The following PDCL variants were observed in gnomAD, a reference collection of about 807,000 sequenced individuals.
PDCL encodes phosducin like.
Under a neutral mutation model 26.7 loss-of-function variants are expected in PDCL, and 11 were observed. The ratio of observed to expected loss-of-function variants is 0.41; its 90% CI spans 0.26 to 0.68. The LOEUF (loss-of-function observed/expected upper bound fraction) is 0.68, where lower values mean the gene tolerates loss of function less well. Among genes scored for constraint, PDCL ranks in the 30% least tolerant of loss-of-function variants. The pLI is 0.30. For missense variants in PDCL, 330 were observed against 371.6 expected (o/e 0.89, Z 0.92); for synonymous variants, 118 against 134.9 (o/e 0.87, Z 0.87).
Position 122,820,353 on chromosome 9 carries a change from T to C in PDCL, c.638A>G (p.Lys213Arg), listed in dbSNP as rs985293405. 3.7e-6 allele frequency: 6 copies of C among 1,614,078 alleles called. No homozygotes were observed. The highest frequency in any genetic ancestry group is 2.2e-5 in the East Asian group (1 of 44,896). ...ICLAAEYPAV[K>R]FCKVKSSVIG... ...AACTGAGCTCTTCACCTTGCAGAAC[T>C]TGACAGCTGGGTACTCTGCGGCAAG... The change falls in exon 4 of 4, where the codon AAG becomes AGG. Residue 213 changes from lysine (K) to arginine (R), a missense_variant. Lys to Arg is a conservative substitution (Grantham distance 26). Transcript: ENST00000259467.
At chr9:122,823,430 C>A (rs1829580468) in intron 2 of PDCL, among the ~76,000 whole-genome samples, 1 of 152,132 alleles carries the variant, frequency 6.6e-6, no homozygotes, top group Non-Finnish European at 1.5e-5. Context: ...AAAAAATTAT[C>A]ATCTACCTAC....
chr9:122,826,707 G>A lies in PDCL; in HGVS notation c.81C>T (p.His27=), dbSNP rs764748313. Residue 27 remains histidine (H), a synonymous_variant, in exon 2 of 4, where the codon CAC becomes CAT. Coordinates refer to ENST00000259467, the MANE Select transcript of PDCL (RefSeq NM_005388.5). The stretch of plus-strand genomic sequence containing the variant: ...CACATCTGCCTCGGTCCTTGTCCTC[G>A]TGGTCACTGTCCTCATCCTCACTGC... ...YSSSEDEDSD[H]EDKDRGRCAP... The A allele has an allele frequency of 5.0e-6, 8 of 1,614,106 alleles. No individual in the cohort carries two copies. The highest frequency in any genetic ancestry group is 1.3e-5 in the African/African-American group (1 of 75,018).
At chr9:122,828,067 G>C (rs1829651081) in intron 1 of PDCL, among the ~76,000 whole-genome samples, 1 of 152,142 alleles carries the variant, frequency 6.6e-6, no homozygotes, top group Non-Finnish European at 1.5e-5. Context: ...AGGAGACAGG[G>C]ATCATGGAGA....
At position 122,818,965 on chromosome 9, in the gene PDCL, A is replaced by G. The variant is rs1179170746; in HGVS notation, c.*1120T>C. On this transcript the variant is annotated 3_prime_UTR_variant, in exon 4 of 4. Transcript: ENST00000259467. ...TTAAGAGACAACCATCAAGCAAATTATATCACATCTATACGATGGAATATT... is the reference window on the plus strand; with the variant it reads ...TTAAGAGACAACCATCAAGCAAATTGTATCACATCTATACGATGGAATATT... The G allele has an allele frequency of 6.6e-6, 1 of 152,136 alleles. No individual in the cohort carries two copies. The highest frequency in any genetic ancestry group is 1.9e-4 in the East Asian group (1 of 5,204). 9.4% of individuals were successfully genotyped at this position (152,136 alleles called of 1,614,324 possible).
intron 2 of PDCL, among the ~76,000 whole-genome samples, chr9:122,823,846 T>C (rs1368251620): frequency 1.3e-5 from 2 of 151,064 alleles, no homozygotes; most frequent in African/African-American, 4.9e-5. Flanking sequence ...CTCGGCTCAC[T>C]GCAACCTCCA....
rs779884263 is a variant in PDCL at position 122,822,965 on chromosome 9, G to A, written c.354+51C>T. ...CTCCACCTCTTGAATCACTCACCCA[G>A]CTCTAGCAGCCACAGCAGACTCTAA... On this transcript the variant is annotated intron_variant, in intron 3 of 3. Transcript: ENST00000259467. 1.8e-5 allele frequency: 27 copies of A among 1,515,240 alleles called. No individual in the cohort carries two copies. The East Asian group carries it at 5.6e-4, about 32-fold the overall frequency. The allele number at this position is 1,515,240 out of a possible 1,614,324, so 93.9% of individuals were successfully genotyped here.
chr9:122,825,611 T>C (rs1452074550), intron 2 of PDCL, among the ~76,000 whole-genome samples: 1 of 151,970 alleles, frequency 6.6e-6, no homozygotes, highest in Non-Finnish European at 1.5e-5. Context: ...CAAAAGAATA[T>C]AAAGTCAAAA....
chr9:122,824,776 A>G (rs560747951), intron 2 of PDCL, among the ~76,000 whole-genome samples: 3 of 152,338 alleles, frequency 2.0e-5, no homozygotes, highest in East Asian at 3.8e-4. Context: ...ATGAACACAC[A>G]TATGTGTCCG....
Position 122,827,950 on chromosome 9 carries a change from A to G in PDCL, c.-6+521T>C, listed in dbSNP as rs552189127. On this transcript the variant is annotated intron_variant, in intron 1 of 3. Transcript: ENST00000259467. ...GGAGTTCTTGAACGTAGGGACCTCT[A>G]GTCACTACCTCTATCCCCAAAGCCC... Among the ~76,000 whole-genome samples the G allele has an allele frequency of 3.9e-5, 6 of 152,184 alleles. 1 individual carries two copies. In the South Asian group the frequency reaches 1.2e-3, roughly 32 times the overall value.
intron 3 of PDCL, chr9:122,820,966 C>G (rs1829546601): frequency 4.1e-6 from 1 of 241,630 alleles, no homozygotes; most frequent in Admixed American, 5.3e-5. Flanking sequence ...CCAGTGCACT[C>G]CAGCCTGGGA....
rs374915234 is a variant in PDCL, at chr9:122,826,637, C to T, written c.151G>A (p.Glu51Lys). Residue 51 changes from glutamate (E) to lysine (K), a missense_variant, in exon 2 of 4, where the codon GAA (glutamate) becomes AAA (lysine). Coordinates refer to ENST00000259467, the MANE Select transcript of PDCL (RefSeq NM_005388.5). ...SVPAEAELAG[E>K]GISVNTGPKG... The stretch of plus-strand genomic sequence containing the variant: ...GTACCTGTGTTAACTGAGATGCCTT[C>T]GCCTGCCAGCTCAGCCTCTGCAGGC... The T allele has an allele frequency of 9.3e-6, 15 of 1,614,120 alleles. No individual in the cohort carries two copies. In the East Asian group the frequency reaches 1.8e-4, roughly 19 times the overall value.
In PDCL at chr9:122,820,394, A is replaced by G. The variant is rs748221327; in HGVS notation, c.597T>C (p.Asn199=). ...CTGCGGCAAGGCAGATCATGCAACC[A>G]TTCATGGCTTCGGTCCCTGGAATGC... ...EDGIPGTEAM[N]GCMICLAAEY... Residue 199 remains asparagine (N), a synonymous_variant, in exon 4 of 4, where the codon AAT becomes AAC. Coordinates refer to ENST00000259467, the MANE Select transcript of PDCL (RefSeq NM_005388.5). 1.5e-5 allele frequency: 25 copies of G among 1,614,056 alleles called. No individual in the cohort carries two copies. Among genetic ancestry groups the G allele is most frequent in the Non-Finnish European group, 1.9e-5 (22 of 1,180,040 alleles).
chr9:122,823,327 C>A, intron 2 of PDCL, 130 bp from the exon 3 acceptor site: 1 of 855,910 alleles, frequency 1.2e-6, no homozygotes, highest in African/African-American at 1.7e-5. Flanking sequence ...CATAGGGACT[C>A]TGTGTACTCT....
chr9:122,823,762 T>C (rs1013325509), intron 2 of PDCL, among the ~76,000 whole-genome samples: 3 of 147,436 alleles, frequency 2.0e-5, no homozygotes, highest in African/African-American at 7.7e-5. Flanking sequence ...TACTTCTATA[T>C]TATCTGAATT....
chr9:122,823,244 T>C lies in PDCL; in HGVS notation c.173-47A>G, dbSNP rs373547720. ...GTGACCAAGGAGAATGGGCAGGGAA[T>C]TATGGACCAGCTGACATCTGTAGGT... is the stretch of plus-strand genomic sequence containing the variant. On this transcript the variant is annotated intron_variant, in intron 2 of 3. Coordinates refer to ENST00000259467, the MANE Select transcript of PDCL (RefSeq NM_005388.5). The C allele has an allele frequency of 1.2e-5, 19 of 1,585,196 alleles. No individual in the cohort carries two copies. The African/African-American group carries it at 2.4e-4, about 20-fold the overall frequency.
chr9:122,827,456 G>A (rs1829642582), intron 1 of PDCL, among the ~76,000 whole-genome samples: 1 of 152,206 alleles, frequency 6.6e-6, no homozygotes, highest in South Asian at 2.1e-4. Flanking sequence ...GCTCGCGCAG[G>A]TAATCCCAGC....
Position 122,820,639 on chromosome 9 carries a change from G to A in PDCL, c.355-3C>T. The A allele has an allele frequency of 6.3e-7, 1 of 1,598,322 alleles. No individual in the cohort carries two copies. The highest frequency in any genetic ancestry group is 1.1e-5 in the South Asian group (1 of 88,954). On this transcript the variant is annotated splice_region_variant and splice_polypyrimidine_tract_variant and intron_variant, in intron 3 of 3. Transcript: ENST00000259467. ...ATGGCAAACTCCTTCAGAGTCATCT[G>A]CAGGCGGACCAGCAAGTGAGCATAA...
At chr9:122,827,335 G>T (rs1247827178) in intron 1 of PDCL, among the ~76,000 whole-genome samples, 1 of 152,312 alleles carries the variant, frequency 6.6e-6, no homozygotes, top group South Asian at 2.1e-4. Flanking sequence ...ACAACACCCT[G>T]AGGGCTTGGA....
intron 2 of PDCL, among the ~76,000 whole-genome samples, chr9:122,825,410 C>T (rs935898755): frequency 3.3e-5 from 5 of 152,158 alleles, no homozygotes; most frequent in African/African-American, 1.2e-4. Flanking sequence ...AGTCCACCCG[C>T]CTCAACCTCC....
Sources: gnomAD v4.1 joint callset for allele counts (sites outside exome capture counted in the v4.1 genomes callset) on GRCh38, gnomAD v4.1.1 for gene constraint, MANE v1.5 for transcripts, NCBI Gene and HGNC (gene_info 2026-07-23, HGNC 2026-07-21) for gene names.